The following MIA2 variants were observed in gnomAD, a reference collection of about 807,000 sequenced individuals.
The protein encoded by MIA2 is melanoma inhibitory activity protein 2.
Under a neutral mutation model 167.8 loss-of-function variants are expected in MIA2, and 127 were observed. The observed-to-expected ratio is 0.76, with a 90% confidence interval of 0.66 to 0.88. The LOEUF is 0.88. Ranked by LOEUF, MIA2 falls within the 40% of genes least tolerant of loss-of-function variation. The pLI is 0.00. For synonymous variants in MIA2, 552 were observed against 541.9 expected, an observed-to-expected ratio of 1.02 and a Z score of -0.26; for missense variants, 1,690 against 1,624.7, an observed-to-expected ratio of 1.04 and a Z score of -0.69.
rs763990350 is a variant in MIA2 at position 39,313,297 on chromosome 14, TTTGAC to T, written c.3018-42_3018-38del. The T allele has an allele frequency of 6.0e-5, 61 of 1,013,938 alleles. No individual in the cohort carries two copies. In the South Asian group the frequency reaches 9.4e-4, roughly 16 times the overall value. The allele number at this position is 1,013,938 out of a possible 1,614,324, so 62.8% of individuals were successfully genotyped here. A position where few individuals can be genotyped will look rare whatever the true frequency, so the allele number is the denominator to read the frequency against. ...ATTAAAAATATAGAATTGATTATCT[TTTGAC>T]ATGTATTAAGAGAATTATAACATTT... On this transcript the variant is annotated intron_variant, in intron 18 of 28. Transcript: ENST00000640607.
intron 23 of MIA2, among the ~76,000 whole-genome samples, chr14:39,319,768 T>A (rs2066089218): frequency 6.6e-6 from 1 of 152,156 alleles, no homozygotes; most frequent in Admixed American, 6.5e-5. Context: ...GTTTGATTGC[T>A]TTAATTACCC....
intron 25 of MIA2, among the ~76,000 whole-genome samples, chr14:39,340,282 G>C (rs1202638998): frequency 6.6e-6 from 1 of 152,216 alleles, no homozygotes; most frequent in Non-Finnish European, 1.5e-5. Flanking sequence ...ATAGCAAAGA[G>C]ACTAAGCAAC....
chr14:39,355,506 A>G (rs1235039875), downstream of MIA2, among the ~76,000 whole-genome samples: 1 of 152,152 alleles, frequency 6.6e-6, no homozygotes, highest in African/African-American at 2.4e-5. Flanking sequence ...AAACAGGGAC[A>G]ATTTGACTTC....
At chr14:39,277,672 T>TTATATATATATATATGTGTGTATA (rs2058213811) in intron 7 of MIA2, among the ~76,000 whole-genome samples, 1 of 30,168 alleles carries the variant, frequency 3.3e-5, no homozygotes, top group South Asian at 1.3e-3. Context: ...GTAAGATCTT[T>TTATATATATATATATGTGTGTATA]TATATATATA....
chr14:39,300,297 G>T (rs2062179846), intron 14 of MIA2, among the ~76,000 whole-genome samples: 1 of 152,054 alleles, frequency 6.6e-6, no homozygotes, highest in African/African-American at 2.4e-5. Context: ...CCTGTTAGGA[G>T]GTTGGAAGAG....
intron 15 of MIA2, among the ~76,000 whole-genome samples, chr14:39,302,861 T>C (rs1164327945): frequency 6.6e-6 from 1 of 152,180 alleles, no homozygotes; most frequent in African/African-American, 2.4e-5. Flanking sequence ...AGAGGTCCCA[T>C]GTACCCCTCT....
In MIA2 at chr14:39,344,617, C is replaced by T. The variant is rs140932084; in HGVS notation, c.3656-1287C>T. Among the ~76,000 whole-genome samples, 227 of 152,212 alleles carry T rather than the reference C, an allele frequency of 1.5e-3. 1 individual carries two copies. The highest frequency in any genetic ancestry group is 5.4e-3 in the African/African-American group (225 of 41,512). ...AGGAGAGATGATGTGTCAATAAGGT[C>T]CCCTGTGGCAGAGTCAGATGAGGAG... On this transcript the variant is annotated intron_variant, in intron 25 of 28. Coordinates refer to ENST00000640607, the MANE Select transcript of MIA2 (RefSeq NM_001329214.4).
intron 6 of MIA2, chr14:39,265,623 G>A: frequency 2.3e-6 from 1 of 436,044 alleles, no homozygotes; most frequent in Non-Finnish European, 4.0e-6. Context: ...ACTTAGGGAG[G>A]GCAAAGGGAG....
intron 27 of MIA2, 33 bp from the exon 28 acceptor site, chr14:39,348,709 GT>G (rs1257065360): frequency 1.2e-6 from 2 of 1,609,638 alleles, no homozygotes; most frequent in Non-Finnish European, 1.7e-6. Context: ...CAAATTTACT[GT>G]TTTAGTGACT....
intron 13 of MIA2, among the ~76,000 whole-genome samples, chr14:39,299,305 C>CTTTTTT (rs34424266): frequency 0.14 from 13,125 of 95,018 alleles, 1,938 homozygotes; most frequent in Admixed American, 0.16. Context: ...AATGGTATTT[C>CTTTTTT]TTTTTTTTTT....
chr14:39,296,605 CTTTTTT>C (rs56677159), intron 13 of MIA2, among the ~76,000 whole-genome samples: 1 of 138,690 alleles, frequency 7.2e-6, no homozygotes, highest in African/African-American at 2.7e-5. Flanking sequence ...CTTTTCTTTT[CTTTTTT>C]TTTTTTTTTA....
chr14:39,337,961 G>A (rs1399411545), intron 25 of MIA2, among the ~76,000 whole-genome samples: 1 of 152,068 alleles, frequency 6.6e-6, no homozygotes, highest in Non-Finnish European at 1.5e-5. Context: ...GACCTCAAGT[G>A]ATCCACCCAC....
chr14:39,330,758 A>G (rs147384100), intron 25 of MIA2, among the ~76,000 whole-genome samples: 111 of 152,246 alleles, frequency 7.3e-4, no homozygotes, highest in Non-Finnish European at 1.3e-3. Context: ...TTCAGTTTCC[A>G]TGTAGCTGTG....
downstream of MIA2, among the ~76,000 whole-genome samples, chr14:39,356,060 G>A (rs1449865291): frequency 9.2e-5 from 14 of 152,146 alleles, no homozygotes; most frequent in Non-Finnish European, 2.1e-4. Flanking sequence ...GGATGATGCT[G>A]CCCTCATAAA....
Position 39,277,673 on chromosome 14 carries a change from TA to T in MIA2, c.2019+609del, listed in dbSNP as rs2058220821. 8.5e-4 allele frequency among the ~76,000 whole-genome samples: 9 copies of T among 10,576 alleles called. 2 individuals are homozygous for T. The highest frequency in any genetic ancestry group is 5.2e-3 in the East Asian group (1 of 192). 6.9% of individuals were successfully genotyped at this position (10,576 alleles called of 152,430 possible). On this transcript the variant is annotated intron_variant, in intron 7 of 28. Coordinates refer to ENST00000640607, the MANE Select transcript of MIA2 (RefSeq NM_001329214.4). ...TGGAATCTTTTAATGTAAGATCTTTTATATATATATATATGTGTGTATATAT... is the reference window on the plus strand; with the variant it reads ...TGGAATCTTTTAATGTAAGATCTTTTTATATATATATATGTGTGTATATAT...
intron 14 of MIA2, among the ~76,000 whole-genome samples, chr14:39,301,035 TAC>T (rs1383110154): frequency 5.8e-5 from 4 of 68,598 alleles, no homozygotes; most frequent in Non-Finnish European, 8.4e-5. Context: ...TATATACATA[TAC>T]ATACACACAC....
At chr14:39,285,867 T>C (rs2059693056) in intron 9 of MIA2, among the ~76,000 whole-genome samples, 1 of 145,744 alleles carries the variant, frequency 6.9e-6, no homozygotes, top group Non-Finnish European at 1.5e-5. Flanking sequence ...GCAGAGGTGC[T>C]CCCCACATCT....
intron 6 of MIA2, among the ~76,000 whole-genome samples, chr14:39,262,155 A>G (rs953465333): frequency 3.4e-4 from 52 of 151,952 alleles, no homozygotes; most frequent in African/African-American, 1.1e-3. Flanking sequence ...TCCATCTTGA[A>G]TTAATTTTTG....
At chr14:39,305,270 A>G (rs763797198) in intron 17 of MIA2, among the ~76,000 whole-genome samples, 1 of 152,256 alleles carries the variant, frequency 6.6e-6, no homozygotes, top group East Asian at 1.9e-4. Flanking sequence ...ATGTTGCTAT[A>G]TGTAAAGCAT....
Sources: allele counts gnomAD v4.1 joint callset (sites outside exome capture counted in the v4.1 genomes callset), GRCh38; gene constraint gnomAD v4.1.1; transcripts MANE v1.5; gene names NCBI Gene and HGNC (gene_info 2026-07-23, HGNC 2026-07-21).